The following TRIM49C variants were observed in gnomAD, a reference collection of about 807,000 sequenced individuals.
TRIM49C encodes tripartite motif-containing protein 49C.
In TRIM49C, 6 loss-of-function variants were observed where a neutral mutation model predicts 21.4. The ratio of observed to expected loss-of-function variants is 0.28; its 90% confidence interval spans 0.15 to 0.55. The LOEUF is 0.55. Among genes scored for constraint, TRIM49C ranks in the 20% least tolerant of loss-of-function variants. The pLI is 0.94. For missense variants in TRIM49C, 161 were observed against 442.4 expected (o/e 0.36, Z 5.71); for synonymous variants, 57 against 148.1 (o/e 0.38, Z 4.47).
chr11:90,069,089 G>A, the TRIM49C span, among the ~76,000 whole-genome samples: 1 of 129,492 alleles, frequency 7.7e-6, no homozygotes, highest in Non-Finnish European at 1.6e-5. Flanking sequence ...ATTGATTTTT[G>A]TTTTGTTTTG....
chr11:90,046,603 C>T (rs1193952706), downstream of TRIM49C, among the ~76,000 whole-genome samples: 7 of 120,320 alleles, frequency 5.8e-5, 1 homozygote, highest in East Asian at 2.6e-4. Flanking sequence ...TCTGTGGGAT[C>T]GGTGGTGATA....
At chr11:90,072,028 C>T in the TRIM49C span, among the ~76,000 whole-genome samples, 259 of 141,336 alleles carry the variant, frequency 1.8e-3, 31 homozygotes, top group African/African-American at 5.9e-3. Context: ...CTTTTTAGGA[C>T]GTAGAACCAT....
the TRIM49C span, among the ~76,000 whole-genome samples, chr11:90,055,729 G>A: frequency 6.8e-6 from 1 of 146,164 alleles, no homozygotes; most frequent in Non-Finnish European, 1.5e-5. Flanking sequence ...TGCTGCATGG[G>A]ACATGGCAAT....
At chr11:90,052,313 G>C in the TRIM49C span, 1 of 215,600 alleles carries the variant, frequency 4.6e-6, no homozygotes, top group African/African-American at 2.6e-5. Context: ...GAGTCGCCAG[G>C]ATTTCCTGCA....
chr11:90,057,438 A>C, the TRIM49C span, among the ~76,000 whole-genome samples: 4 of 105,164 alleles, frequency 3.8e-5, no homozygotes, highest in African/African-American at 2.0e-4. Context: ...AAAATAACTT[A>C]ATTAATGAAT....
chr11:90,068,662 G>T, the TRIM49C span, among the ~76,000 whole-genome samples: 1 of 138,340 alleles, frequency 7.2e-6, no homozygotes, highest in East Asian at 2.2e-4. Context: ...TGAGGTTGCA[G>T]GGTGAGAAAC....
the TRIM49C span, among the ~76,000 whole-genome samples, chr11:90,069,606 TG>T: frequency 7.9e-6 from 1 of 126,264 alleles, no homozygotes; most frequent in East Asian, 2.4e-4. Flanking sequence ...ACACCATATT[TG>T]CCCCCATTGT....
downstream of TRIM49C, among the ~76,000 whole-genome samples, chr11:90,042,324 AATG>A (rs1841782402): frequency 7.3e-6 from 1 of 136,708 alleles, no homozygotes; most frequent in Non-Finnish European, 1.6e-5. Context: ...TTATATTGAT[AATG>A]ATGACTTCTG....
In TRIM49C at chr11:90,033,408, G is replaced by A. The variant is rs484962; in HGVS notation, c.-5+826G>A. Among the ~76,000 whole-genome samples, 139 of 135,874 alleles carry A rather than the reference G, an allele frequency of 1.0e-3. 20 individuals are homozygous for A. The highest frequency in any genetic ancestry group is 7.9e-3 in the East Asian group (36 of 4,550). 89.1% of individuals were successfully genotyped at this position (135,874 alleles called of 152,430 possible). A position where few individuals can be genotyped will look rare whatever the true frequency, so the allele number is the denominator to read the frequency against. ...TCATGGGCCATTTGAGTCAGCCACA[G>A]ACCACATATGGTGGTCCCATAAGAT... On this transcript the variant is annotated intron_variant, in intron 2 of 7. Transcript: ENST00000448984.
In TRIM49C at chr11:90,033,661, T is replaced by G. The variant is rs567369; in HGVS notation, c.-5+1079T>G. Reference sequence around the variant, plus strand: ...ATCATATTAAAACAATGAAACCGCCTGGCTGGGCACTGTGGCGCGTGCCTA... The same window carrying G: ...ATCATATTAAAACAATGAAACCGCCGGGCTGGGCACTGTGGCGCGTGCCTA... On this transcript the variant is annotated intron_variant, in intron 2 of 7. Coordinates refer to ENST00000448984, the MANE Select transcript of TRIM49C (RefSeq NM_001195234.1). Among the ~76,000 whole-genome samples the G allele has an allele frequency of 1.3e-3, 175 of 134,740 alleles. 12 individuals carry two copies. In the East Asian group the frequency reaches 0.022, roughly 17 times the overall value. The allele number at this position is 134,740 out of a possible 152,430, so 88.4% of individuals were successfully genotyped here. A position where few individuals can be genotyped will look rare whatever the true frequency, so the allele number is the denominator to read the frequency against.
rs532468553 is a variant in TRIM49C at position 90,041,140 on chromosome 11, G to C, written c.949G>C (p.Asp317His). 7.5e-6 allele frequency: 12 copies of C among 1,597,890 alleles called. 1 individual carries two copies. The highest frequency in any genetic ancestry group is 1.0e-5 in the Non-Finnish European group (12 of 1,172,218). The change falls in exon 8 of 8, where the codon GAT becomes CAT. Residue 317 changes from aspartate (D) to histidine (H), a missense_variant. Around this residue, in one of 3 missense-constraint regions of TRIM49C, gnomAD observed 80 missense variants for 314.8 expected, o/e 0.25. Coordinates refer to ENST00000448984, the MANE Select transcript of TRIM49C (RefSeq NM_001195234.1). ...RSMCIGCDHQ[D>H]VPYFTATPRS... Reference sequence around the variant, plus strand: ...CATGTGTATTGGATGTGACCATCAAGATGTACCCTATTTCACTGCAACACC... The same window carrying C: ...CATGTGTATTGGATGTGACCATCAACATGTACCCTATTTCACTGCAACACC...
At chr11:90,033,530 T>A (rs1448271921) in intron 2 of TRIM49C, among the ~76,000 whole-genome samples, 1 of 130,870 alleles carries the variant, frequency 7.6e-6, no homozygotes, top group African/African-American at 2.7e-5. Context: ...CAGTATGCAG[T>A]ACAGAACATA....
the TRIM49C span, among the ~76,000 whole-genome samples, chr11:90,059,929 A>C: frequency 6.6e-5 from 9 of 135,418 alleles, no homozygotes; most frequent in Admixed American, 3.1e-4. Flanking sequence ...TTAACCTCCC[A>C]CCCCTCTAGA....
chr11:90,039,154 C>T (rs1364558416), intron 6 of TRIM49C, among the ~76,000 whole-genome samples: 48 of 132,420 alleles, frequency 3.6e-4, no homozygotes, highest in African/African-American at 1.3e-3. Flanking sequence ...CTCCTGACCC[C>T]GTGATCCGCC....
rs1251675756 is a variant in TRIM49C, at chr11:90,037,156, G to T, written c.508-593G>T. ...CTAGTTGGAGAGAATAGCATATGCAGTAATTTTGAGTTTGTGTATATTTGG... is the reference window on the plus strand; with the variant it reads ...CTAGTTGGAGAGAATAGCATATGCATTAATTTTGAGTTTGTGTATATTTGG... On this transcript the variant is annotated intron_variant, in intron 4 of 7. Coordinates refer to ENST00000448984, the MANE Select transcript of TRIM49C (RefSeq NM_001195234.1). 4.4e-5 allele frequency among the ~76,000 whole-genome samples: 6 copies of T among 135,860 alleles called. 2 individuals are homozygous for T. The highest frequency in any genetic ancestry group is 9.6e-5 in the Non-Finnish European group (6 of 62,714). 89.1% of individuals were successfully genotyped at this position (135,860 alleles called of 152,430 possible).
chr11:90,068,531 G>A, the TRIM49C span, among the ~76,000 whole-genome samples: 4 of 145,194 alleles, frequency 2.8e-5, no homozygotes, highest in East Asian at 8.4e-4. Context: ...ATATCCTTAA[G>A]GATAGTACTT....
the TRIM49C span, chr11:90,050,163 TG>T: frequency 1.2e-5 from 1 of 80,962 alleles, no homozygotes; most frequent in Non-Finnish European, 2.3e-5. Context: ...CAGTCACCAA[TG>T]GAGCTTTAGG....
chr11:90,034,499 C>T (rs1422230914), intron 2 of TRIM49C, among the ~76,000 whole-genome samples: 10 of 122,254 alleles, frequency 8.2e-5, no homozygotes, highest in East Asian at 2.4e-4. Context: ...TAATTTAATC[C>T]GCAAGAAAAT....
intron 6 of TRIM49C, among the ~76,000 whole-genome samples, chr11:90,038,918 T>C: frequency 7.3e-6 from 1 of 136,794 alleles, no homozygotes; most frequent in African/African-American, 2.6e-5. Context: ...ACAATTTGAT[T>C]CCTGGTTTTG....
Sources: gnomAD v4.1 joint callset for allele counts (sites outside exome capture counted in the v4.1 genomes callset) on GRCh38, gnomAD v4.1.1 for gene constraint, gnomAD v4.1.1 regional missense constraint, MANE v1.5 for transcripts, NCBI Gene and HGNC (gene_info 2026-07-23, HGNC 2026-07-21) for gene names.